DNAH8: variants seen among roughly 807,000 people sequenced by gnomAD.
DNAH8 encodes the protein axonemal beta dynein heavy chain 8.
Under a neutral mutation model 562.1 loss-of-function variants are expected in DNAH8, and 382 were observed. The ratio of observed to expected loss-of-function variants is 0.68; its 90% CI spans 0.63 to 0.74. The LOEUF is 0.74. DNAH8 is among the 30% of genes least tolerant of loss of function. DNAH8 has a pLI of 0.00. For missense variants in DNAH8, 5,203 were observed against 5,620.4 expected, an observed-to-expected ratio of 0.93 and a Z score of 2.37; for synonymous variants, 1,881 against 1,919.4, an observed-to-expected ratio of 0.98 and a Z score of 0.52.
chr6:38,968,607 G>C (rs1763133129), intron 82 of DNAH8, among the ~76,000 whole-genome samples: 2 of 152,080 alleles, frequency 1.3e-5, no homozygotes, highest in African/African-American at 4.8e-5. Context: ...CACTAAGATA[G>C]CTATAATCAA....
At chr6:39,026,060 G>A (rs143628246) in intron 91 of DNAH8, among the ~76,000 whole-genome samples, 123 of 152,246 alleles carry the variant, frequency 8.1e-4, no homozygotes, top group African/African-American at 2.9e-3. Flanking sequence ...TGAAAGTCAG[G>A]TTTTCTATTT....
At chr6:38,868,259 C>A in intron 48 of DNAH8, 63 bp downstream of exon 48, 2 of 1,492,258 alleles carry the variant, frequency 1.3e-6, no homozygotes, top group Non-Finnish European at 1.8e-6. Flanking sequence ...ATTTGGTGGA[C>A]AAGTAGAGGT....
At chr6:38,788,528 A>ATGGC (rs1420565190) in intron 18 of DNAH8, among the ~76,000 whole-genome samples, 6 of 151,986 alleles carry the variant, frequency 3.9e-5, no homozygotes, top group Non-Finnish European at 7.4e-5. Flanking sequence ...CATTTCCCTA[A>ATGGC]TGGCTGGTGA....
intron 8 of DNAH8, among the ~76,000 whole-genome samples, chr6:38,744,738 A>G (rs1190438889): frequency 6.6e-6 from 1 of 152,002 alleles, no homozygotes; most frequent in African/African-American, 2.4e-5. Flanking sequence ...GACTACAGGC[A>G]TGTGCCAATG....
intron 79 of DNAH8, among the ~76,000 whole-genome samples, chr6:38,942,321 G>A (rs1279886409): frequency 1.3e-5 from 2 of 152,182 alleles, no homozygotes; most frequent in Non-Finnish European, 2.9e-5. Context: ...CTGAGAAGGA[G>A]GCACATATGA....
chr6:38,940,739 G>A (rs579786), intron 79 of DNAH8, among the ~76,000 whole-genome samples: 126,543 of 152,198 alleles, frequency 0.83, 53,006 homozygotes, highest in East Asian at 1. Flanking sequence ...GCAGTTCCCC[G>A]TGTGTTTGAA....
intron 83 of DNAH8, among the ~76,000 whole-genome samples, chr6:38,972,246 T>A (rs1183203335): frequency 1.3e-5 from 2 of 152,152 alleles, no homozygotes; most frequent in African/African-American, 2.4e-5. Flanking sequence ...ATTATACCAT[T>A]TATAAAAATA....
chr6:39,029,993 AGT>A, intron 92 of DNAH8, 110 bp from the exon 93 acceptor site: 1 of 797,662 alleles, frequency 1.3e-6, no homozygotes, highest in South Asian at 1.8e-5. Context: ...TCCCTTTGGT[AGT>A]GTTTTAAGAC....
At chr6:38,985,922 G>A (rs1764359989) in intron 87 of DNAH8, among the ~76,000 whole-genome samples, 1 of 152,166 alleles carries the variant, frequency 6.6e-6, no homozygotes, top group Admixed American at 6.5e-5. Context: ...TGGGGAGTGA[G>A]TACCTGCTCC....
chr6:38,863,440 AAAC>A (rs1474126564), intron 44 of DNAH8, among the ~76,000 whole-genome samples: 2 of 151,984 alleles, frequency 1.3e-5, no homozygotes, highest in Non-Finnish European at 2.9e-5. Flanking sequence ...AAACAAAACA[AAAC>A]AACAAAAACA....
In DNAH8 at chr6:38,715,917, AATAAATAAATATATAT is replaced by A. The variant is rs1431553569; in HGVS notation, c.-35+506_-35+521del. Among the ~76,000 whole-genome samples, 147 of 50,418 alleles carry A rather than the reference AATAAATAAATATATAT, an allele frequency of 2.9e-3. 4 individuals are homozygous for A. Among genetic ancestry groups the A allele is most frequent in the Middle Eastern group, 7.2e-3 (1 of 138 alleles). The allele number at this position is 50,418 out of a possible 152,430, so 33.1% of individuals were successfully genotyped here. ...GAAAAGCTATTAAAATAAATAAATAAATAAATAAATATATATATATATATATATATATATATATATA... is the reference window on the plus strand; with the variant it reads ...GAAAAGCTATTAAAATAAATAAATAAATATATATATATATATATATATATA... On this transcript the variant is annotated intron_variant, in intron 1 of 92. Coordinates refer to ENST00000327475, the MANE Select transcript of DNAH8 (RefSeq NM_001206927.2).
chr6:38,727,744 AATGC>A, intron 3 of DNAH8, among the ~76,000 whole-genome samples: 1 of 152,270 alleles, frequency 6.6e-6, no homozygotes, highest in African/African-American at 2.4e-5. Flanking sequence ...GACCTTGACC[AATGC>A]AGATGTTTCT....
chr6:38,858,197 A>G (rs1379190254), intron 42 of DNAH8, among the ~76,000 whole-genome samples: 1 of 152,200 alleles, frequency 6.6e-6, no homozygotes, highest in Non-Finnish European at 1.5e-5. Context: ...ATGGGACTCT[A>G]ACCAGTGGCC....
At chr6:38,809,090 TA>T (rs141577583) in intron 24 of DNAH8, among the ~76,000 whole-genome samples, 97 of 145,610 alleles carry the variant, frequency 6.7e-4, no homozygotes, top group Admixed American at 7.6e-4. Context: ...AAAGTACGAT[TA>T]AAAAAAAAAA....
chr6:38,778,066 A>G (rs1277937066), intron 13 of DNAH8, among the ~76,000 whole-genome samples: 1 of 152,234 alleles, frequency 6.6e-6, no homozygotes, highest in African/African-American at 2.4e-5. Context: ...ATTCAACCCA[A>G]TATGTTAAAT....
intron 85 of DNAH8, among the ~76,000 whole-genome samples, chr6:38,980,541 C>A (rs1470839742): frequency 6.6e-5 from 10 of 152,122 alleles, no homozygotes; most frequent in Admixed American, 6.5e-4. Context: ...TTAGTCTAAG[C>A]CCCAGATAAC....
chr6:38,938,894 A>T lies in DNAH8; in HGVS notation c.11913A>T (p.Glu3971Asp). The change falls in exon 79 of 93, where the codon GAA becomes GAT. Residue 3971 changes from glutamate (E) to aspartate (D), a missense_variant. Physicochemically the swap from Glu to Asp is conservative, Grantham distance 45. Transcript: ENST00000327475. The part of the protein sequence containing the change: ...VFTYSVRGLY[E>D]NHKFLFVLLM... ...CATACTCTGTCAGAGGCCTATACGAAAACCACAAATTCCTGTTTGTACTCC... is the reference window on the plus strand; with the variant it reads ...CATACTCTGTCAGAGGCCTATACGATAACCACAAATTCCTGTTTGTACTCC... The T allele has an allele frequency of 1.2e-6, 2 of 1,613,928 alleles. No homozygotes were observed. Among genetic ancestry groups the T allele is most frequent in the African/African-American group, 2.7e-5 (2 of 75,058 alleles).
At chr6:38,738,059 G>A in intron 7 of DNAH8, 87 bp downstream of exon 7, 1 of 1,381,910 alleles carries the variant, frequency 7.2e-7, no homozygotes, top group Middle Eastern at 1.8e-4. Context: ...GCAAAGGGAA[G>A]AGGTGTCTCC....
intron 22 of DNAH8, 138 bp from the exon 23 acceptor site, chr6:38,805,343 C>A: frequency 5.0e-6 from 3 of 595,048 alleles, no homozygotes; most frequent in South Asian, 1.9e-5. Flanking sequence ...GGAACAAATG[C>A]GAAAAGCATT....
Sources: allele counts gnomAD v4.1 joint callset (sites outside exome capture counted in the v4.1 genomes callset), GRCh38; gene constraint gnomAD v4.1.1; transcripts MANE v1.5; gene names NCBI Gene and HGNC (gene_info 2026-07-23, HGNC 2026-07-21).